Variants in SNX29 observed in about 807,000 individuals in gnomAD.
SNX29 encodes sorting nexin 29, also known as sorting nexin-29.
A neutral mutation model predicts 102.1 loss-of-function variants in SNX29; 78 were observed. That is an observed-to-expected ratio of 0.76 (90% CI 0.64 to 0.92). SNX29 has a LOEUF of 0.92. Among genes scored for constraint, SNX29 ranks in the 40% least tolerant of loss-of-function variants. SNX29 has a pLI of 0.00. For missense variants in SNX29, 1,280 were observed against 1,061.7 expected (o/e 1.21, Z -2.86); for synonymous variants, 580 against 414.5 (o/e 1.40, Z -4.85).
chr16:12,298,641 A>T (rs2080060187), intron 15 of SNX29, among the ~76,000 whole-genome samples: 1 of 152,184 alleles, frequency 6.6e-6, no homozygotes, highest in African/African-American at 2.4e-5. Context: ...TTTTCCTGCC[A>T]ATGAGAGACA....
At chr16:12,251,531 C>T (rs1194881315) in intron 14 of SNX29, among the ~76,000 whole-genome samples, 6 of 152,020 alleles carry the variant, frequency 3.9e-5, no homozygotes, top group East Asian at 3.9e-4. Flanking sequence ...GGTAAAACCC[C>T]GTCTCTACTA....
intron 16 of SNX29, among the ~76,000 whole-genome samples, chr16:12,391,047 G>A (rs1318055799): frequency 6.6e-6 from 1 of 152,092 alleles, no homozygotes; most frequent in Non-Finnish European, 1.5e-5. Flanking sequence ...CTGGGATCAG[G>A]CAATCCTTCC....
At chr16:12,267,026 G>C (rs1425541268) in intron 14 of SNX29, among the ~76,000 whole-genome samples, 1 of 152,132 alleles carries the variant, frequency 6.6e-6, no homozygotes, top group African/African-American at 2.4e-5. Flanking sequence ...GCCTCCCAAA[G>C]TGCTGGGATC....
intron 18 of SNX29, among the ~76,000 whole-genome samples, chr16:12,433,126 C>T (rs1000869648): frequency 6.6e-6 from 1 of 152,204 alleles, no homozygotes; most frequent in African/African-American, 2.4e-5. Context: ...CCGTTCCTTT[C>T]AGACCCTGTG....
chr16:12,160,127 C>G (rs527971824), intron 13 of SNX29, among the ~76,000 whole-genome samples: 1 of 152,274 alleles, frequency 6.6e-6, no homozygotes, highest in South Asian at 2.1e-4. Flanking sequence ...TCTGATGTTG[C>G]CAGGTGTGGA....
intron 18 of SNX29, among the ~76,000 whole-genome samples, chr16:12,431,345 T>C (rs2085305321): frequency 2.0e-5 from 3 of 151,912 alleles, no homozygotes; most frequent in Admixed American, 1.3e-4. Flanking sequence ...GCCCCAGGGG[T>C]CTGTGAGGAG....
At chr16:12,474,855 A>C (rs1354045202) in intron 18 of SNX29, among the ~76,000 whole-genome samples, 1 of 152,178 alleles carries the variant, frequency 6.6e-6, no homozygotes, top group African/African-American at 2.4e-5. Flanking sequence ...AAGGCTGGTG[A>C]AGCAGTGCTC....
chr16:12,175,302 C>G (rs2076235602), intron 13 of SNX29, among the ~76,000 whole-genome samples: 1 of 152,044 alleles, frequency 6.6e-6, no homozygotes, highest in Non-Finnish European at 1.5e-5. Context: ...GTGATTGTAT[C>G]TGGAGATAGG....
intron 19 of SNX29, among the ~76,000 whole-genome samples, chr16:12,483,621 C>T (rs1221593451): frequency 6.6e-6 from 1 of 152,102 alleles, no homozygotes; most frequent in Non-Finnish European, 1.5e-5. Flanking sequence ...GGCCCATTAA[C>T]TTTTATATAT....
chr16:12,119,458 G>A (rs562008793), intron 11 of SNX29, among the ~76,000 whole-genome samples: 2 of 152,312 alleles, frequency 1.3e-5, no homozygotes, highest in East Asian at 3.9e-4. Context: ...TTTTTCTTCT[G>A]TACCTTGTGA....
intron 16 of SNX29, among the ~76,000 whole-genome samples, chr16:12,379,344 ACTC>A (rs2082994448): frequency 6.6e-6 from 1 of 151,818 alleles, no homozygotes; most frequent in African/African-American, 2.4e-5. Flanking sequence ...TTGATCTTTA[ACTC>A]CTGGGCTTAA....
At chr16:12,322,401 G>A (rs894803740) in intron 15 of SNX29, among the ~76,000 whole-genome samples, 14 of 152,300 alleles carry the variant, frequency 9.2e-5, no homozygotes, top group Non-Finnish European at 2.1e-4. Flanking sequence ...TTGGGATTCT[G>A]TCCCATGTAA....
intron 4 of SNX29, among the ~76,000 whole-genome samples, chr16:12,037,597 A>G (rs1315049797): frequency 6.6e-6 from 1 of 152,124 alleles, no homozygotes; most frequent in East Asian, 1.9e-4. Flanking sequence ...AGGTTAGGAT[A>G]GTGCTGAAGG....
Position 12,572,081 on chromosome 16 carries a change from G to A in SNX29, c.*3452G>A, listed in dbSNP as rs1036513887. On this transcript the variant is annotated 3_prime_UTR_variant, in exon 21 of 21. Transcript: ENST00000566228. ...AACCATCTTGCAAGATCTAGGAAGAGGAAGGGGAGGGATGTGGACTGGGTC... is the reference window on the plus strand; with the variant it reads ...AACCATCTTGCAAGATCTAGGAAGAAGAAGGGGAGGGATGTGGACTGGGTC... 42 of 1,063,512 alleles carry A rather than the reference G, an allele frequency of 3.9e-5. No homozygotes were observed. Among genetic ancestry groups the A allele is most frequent in the Admixed American group, 1.1e-4 (2 of 18,682 alleles). The allele number at this position is 1,063,512 out of a possible 1,614,324, so 65.9% of individuals were successfully genotyped here. A position where few individuals can be genotyped will look rare whatever the true frequency, so the allele number is the denominator to read the frequency against.
chr16:12,449,303 G>C (rs2086198710), intron 18 of SNX29, among the ~76,000 whole-genome samples: 1 of 151,954 alleles, frequency 6.6e-6, no homozygotes, highest in Non-Finnish European at 1.5e-5. Flanking sequence ...TCCAAGATAA[G>C]TAGAACTTAG....
rs1326753318 is a variant in SNX29 at position 12,088,166 on chromosome 16, T to G, written c.1402+9251T>G. 1.5e-5 allele frequency: 7 copies of G among 455,468 alleles called. No individual in the cohort carries two copies. In the Admixed American group the frequency reaches 1.6e-4, roughly 11 times the overall value. The allele number at this position is 455,468 out of a possible 1,614,324, so 28.2% of individuals were successfully genotyped here. A position where few individuals can be genotyped will look rare whatever the true frequency, so the allele number is the denominator to read the frequency against. ...TCTGCAGCAGGCCTCACAGTGTCAC[T>G]GTTTGGGCCAGGCAGAAAGCTAGAG... On this transcript the variant is annotated intron_variant, in intron 11 of 20. Coordinates refer to ENST00000566228, the MANE Select transcript of SNX29 (RefSeq NM_032167.5).
At chr16:12,251,441 G>T (rs2078418816) in intron 14 of SNX29, among the ~76,000 whole-genome samples, 1 of 152,176 alleles carries the variant, frequency 6.6e-6, no homozygotes, top group Non-Finnish European at 1.5e-5. Context: ...AGTGGCTCAT[G>T]CCTGTAATCC....
Position 11,986,158 on chromosome 16 carries a change from G to A in SNX29, c.7+9345G>A, listed in dbSNP as rs1400094638. 6.6e-5 allele frequency among the ~76,000 whole-genome samples: 10 copies of A among 151,920 alleles called. No individual in the cohort carries two copies. In the South Asian group the frequency reaches 1.9e-3, roughly 28 times the overall value. ...CCAGTAGGGGAGCAGGTTAGGTGGG[G>A]GCTGAGCAGTTTGAATCCTGCAAGG... On this transcript the variant is annotated intron_variant, in intron 1 of 20. Transcript: ENST00000566228.
At chr16:12,227,241 A>G (rs1393593921) in intron 14 of SNX29, among the ~76,000 whole-genome samples, 2 of 152,192 alleles carry the variant, frequency 1.3e-5, no homozygotes, top group Non-Finnish European at 2.9e-5. Flanking sequence ...TGTTCCGATC[A>G]TGACCGTGTG....
Sources: gnomAD v4.1 joint callset for allele counts (sites outside exome capture counted in the v4.1 genomes callset) on GRCh38, gnomAD v4.1.1 for gene constraint, MANE v1.5 for transcripts, NCBI Gene and HGNC (gene_info 2026-07-23, HGNC 2026-07-21) for gene names.